Variants in GAS7 observed in about 807,000 individuals in gnomAD.
GAS7 encodes growth arrest-specific protein 7.
A neutral mutation model predicts 71.1 loss-of-function variants in GAS7; 28 were observed. That is an observed-to-expected ratio of 0.39 (90% CI 0.29 to 0.54). The LOEUF is 0.54. Among genes scored for constraint, GAS7 ranks in the 20% least tolerant of loss-of-function variants. GAS7 has a pLI of 0.62. For synonymous variants in GAS7, 258 were observed against 245.8 expected (o/e 1.05, Z -0.46); for missense variants, 436 against 627.8 (o/e 0.69, Z 3.27).
chr17:10,098,193 C>G (rs370660123), intron 1 of GAS7, among the ~76,000 whole-genome samples: 2 of 152,190 alleles, frequency 1.3e-5, no homozygotes, highest in South Asian at 4.1e-4. Context: ...ACCCAGAGCA[C>G]ATGGAATAAA....
In GAS7 at chr17:10,069,178, C is replaced by A. The variant is rs138065283; in HGVS notation, c.184-49281G>T. Among the ~76,000 whole-genome samples the A allele has an allele frequency of 2.3e-3, 354 of 152,294 alleles. 5 individuals are homozygous for A. The highest frequency in any genetic ancestry group is 8.2e-3 in the African/African-American group (342 of 41,556). On this transcript the variant is annotated intron_variant, in intron 1 of 13. Transcript: ENST00000432992. ...AAGTTCCCAGACACCAGCCAAGGAA[C>A]AATGTTGCCAGCAGGCCTTTCTAAG...
At position 10,097,453 on chromosome 17, in the gene GAS7, C is replaced by T. The variant is rs554890982; in HGVS notation, c.184-77556G>A. Among the ~76,000 whole-genome samples, 26 of 152,256 alleles carry T rather than the reference C, an allele frequency of 1.7e-4. No homozygotes were observed. The East Asian group carries it at 4.6e-3, about 27-fold the overall frequency. On this transcript the variant is annotated intron_variant, in intron 1 of 13. Coordinates refer to ENST00000432992, the MANE Select transcript of GAS7 (RefSeq NM_201433.2). ...ACATTCCCAGGGTGACGAGAGGAACCGGGGCACACAGCTCACCTCCAAAAA... is the reference window on the plus strand; with the variant it reads ...ACATTCCCAGGGTGACGAGAGGAACTGGGGCACACAGCTCACCTCCAAAAA...
At chr17:9,970,276 A>G (rs1045655619) in intron 3 of GAS7, among the ~76,000 whole-genome samples, 8 of 152,158 alleles carry the variant, frequency 5.3e-5, no homozygotes, top group African/African-American at 1.7e-4. Flanking sequence ...GGCTCTGTCA[A>G]TTAATAGTCA....
intron 1 of GAS7, among the ~76,000 whole-genome samples, chr17:10,151,081 T>C (rs2142107643): frequency 6.6e-6 from 1 of 152,370 alleles, no homozygotes; most frequent in East Asian, 1.9e-4. Context: ...TACAAAAAAG[T>C]AGAAGCCTGT....
chr17:10,180,076 C>T (rs2074402616), intron 1 of GAS7, among the ~76,000 whole-genome samples: 1 of 152,078 alleles, frequency 6.6e-6, no homozygotes. Context: ...CGTGGTGGCT[C>T]ATGGCTGTTA....
intron 1 of GAS7, among the ~76,000 whole-genome samples, chr17:10,078,112 G>A (rs2073417237): frequency 6.6e-6 from 1 of 150,662 alleles, no homozygotes; most frequent in Admixed American, 6.6e-5. Context: ...TTGTTTTGGA[G>A]ACAGGATCTC....
At chr17:10,051,506 G>A (rs974266216) in intron 1 of GAS7, among the ~76,000 whole-genome samples, 5 of 152,178 alleles carry the variant, frequency 3.3e-5, no homozygotes, top group Admixed American at 6.5e-5. Context: ...TTCTTGGCTC[G>A]CATGGACTGT....
At chr17:10,088,745 C>G (rs1013051153) in intron 1 of GAS7, among the ~76,000 whole-genome samples, 1 of 151,932 alleles carries the variant, frequency 6.6e-6, no homozygotes, top group Non-Finnish European at 1.5e-5. Flanking sequence ...GCAATGTAGA[C>G]AAAAAACCCA....
At chr17:9,984,572 C>G (rs1303545522) in intron 2 of GAS7, among the ~76,000 whole-genome samples, 1 of 152,156 alleles carries the variant, frequency 6.6e-6, no homozygotes, top group Non-Finnish European at 1.5e-5. Context: ...GAGCAGGAAG[C>G]CTTGGAGAAC....
At chr17:9,927,927 C>T (rs898796306) in intron 9 of GAS7, among the ~76,000 whole-genome samples, 2 of 152,058 alleles carry the variant, frequency 1.3e-5, no homozygotes, top group African/African-American at 4.8e-5. Flanking sequence ...CAAAGGGAAC[C>T]GCCCTGTATC....
Position 9,911,514 on chromosome 17 carries a change from G to C in GAS7, c.*5714C>G. 1 of 233,590 alleles carries C rather than the reference G, an allele frequency of 4.3e-6. No individual in the cohort carries two copies. Among genetic ancestry groups the C allele is most frequent in the Non-Finnish European group, 8.5e-6 (1 of 118,226 alleles). 14.5% of individuals were successfully genotyped at this position (233,590 alleles called of 1,614,324 possible). ...ACCCCACCCCCAGAGACACCTCCCA[G>C]GAAGCCCTCCTGACAGCCATGCCCC... On this transcript the variant is annotated 3_prime_UTR_variant, in exon 14 of 14. Transcript: ENST00000432992. The surrounding 1 kb of genome is among the most constrained non-coding windows in gnomAD (Gnocchi z 4.0).
chr17:10,080,297 C>T (rs1182680053), intron 1 of GAS7, among the ~76,000 whole-genome samples: 1 of 152,206 alleles, frequency 6.6e-6, no homozygotes, highest in Non-Finnish European at 1.5e-5. Flanking sequence ...CCTATATGGT[C>T]TATAAAGGGG....
intron 1 of GAS7, among the ~76,000 whole-genome samples, chr17:10,053,755 G>A (rs1183241400): frequency 6.6e-6 from 1 of 152,184 alleles, no homozygotes; most frequent in Non-Finnish European, 1.5e-5. Flanking sequence ...GGGCACGGCA[G>A]TGAGATCCTT....
In GAS7 at chr17:10,104,815, G is replaced by T. The variant is rs76108408; in HGVS notation, c.184-84918C>A. Among the ~76,000 whole-genome samples the T allele has an allele frequency of 3.0e-3, 455 of 152,144 alleles. 15 individuals carry two copies. The East Asian group carries it at 0.072, about 24-fold the overall frequency. Reference sequence around the variant, plus strand: ...TTTCCTTCTCCACTGCTGCCATGCTGTTCCCTACATTATTACGATGATCTT... The same window carrying T: ...TTTCCTTCTCCACTGCTGCCATGCTTTTCCCTACATTATTACGATGATCTT... On this transcript the variant is annotated intron_variant, in intron 1 of 13. Coordinates refer to ENST00000432992, the MANE Select transcript of GAS7 (RefSeq NM_201433.2).
In GAS7 at chr17:10,131,854, C is replaced by T. The variant is rs541902792; in HGVS notation, c.183+66354G>A. ...ACATGTGCTCATGAGTGTATTAAAA[C>T]ATGACATGAATGTATAAAAATGTGC... On this transcript the variant is annotated intron_variant, in intron 1 of 13. Transcript: ENST00000432992. Among the ~76,000 whole-genome samples the T allele has an allele frequency of 1.1e-4, 16 of 152,174 alleles. No homozygotes were observed. In the South Asian group the frequency reaches 2.9e-3, roughly 28 times the overall value.
At position 10,037,532 on chromosome 17, in the gene GAS7, A is replaced by G. The variant is rs577467187; in HGVS notation, c.184-17635T>C. Among the ~76,000 whole-genome samples the G allele has an allele frequency of 7.9e-5, 12 of 152,170 alleles. No homozygotes were observed. The South Asian group carries it at 2.3e-3, about 29-fold the overall frequency. ...AGCAAATGGATAAACTTATTTATGA[A>G]GAGGTTTCAATGCCAGCTCCTTGGG... On this transcript the variant is annotated intron_variant, in intron 1 of 13. Transcript: ENST00000432992.
At chr17:9,924,527 G>T (rs1467796673) in intron 11 of GAS7, 1 of 145,926 alleles carries the variant, frequency 6.9e-6, no homozygotes, top group African/African-American at 2.5e-5. Context: ...CCCCTTCTGT[G>T]CCCCCCCTTC....
chr17:9,935,398 T>G (rs993502294), intron 8 of GAS7, among the ~76,000 whole-genome samples: 2 of 152,218 alleles, frequency 1.3e-5, no homozygotes, highest in African/African-American at 4.8e-5. Context: ...TTGGAGCTCT[T>G]TAACCGCATG....
intron 2 of GAS7, among the ~76,000 whole-genome samples, chr17:9,983,525 G>A (rs538502643): frequency 1.3e-5 from 2 of 151,180 alleles, no homozygotes; most frequent in East Asian, 4.0e-4. Flanking sequence ...GGTGGCTCAT[G>A]TCTGTAATCC....
Sources: gnomAD v4.1 joint callset for allele counts (sites outside exome capture counted in the v4.1 genomes callset) on GRCh38, gnomAD v4.1.1 for gene constraint, Gnocchi (gnomAD v3.1) non-coding constraint, MANE v1.5 for transcripts, NCBI Gene and HGNC (gene_info 2026-07-23, HGNC 2026-07-21) for gene names.